Variants in ALMS1 observed in about 807,000 individuals in gnomAD.
ALMS1 encodes the protein centrosome-associated protein ALMS1.
ALMS1 carries 271 observed loss-of-function variants against 352.2 expected under a neutral mutation model. That is an observed-to-expected ratio of 0.77 (90% confidence interval 0.70 to 0.85). The LOEUF is 0.85. Ranked by LOEUF, ALMS1 falls within the 40% of genes least tolerant of loss-of-function variation. The pLI is 0.00. For synonymous variants in ALMS1, 1,865 were observed against 1,761.2 expected, an observed-to-expected ratio of 1.06 and a Z score of -1.48; for missense variants, 5,445 against 4,870.7, an observed-to-expected ratio of 1.12 and a Z score of -3.51.
At chr2:73,568,988 T>TCTG (rs1339424415) in intron 15 of ALMS1, among the ~76,000 whole-genome samples, 2 of 143,622 alleles carry the variant, frequency 1.4e-5, no homozygotes, top group East Asian at 2.0e-4. Context: ...TGCTGCTGCT[T>TCTG]CTGCTTCTTT....
At chr2:73,535,462 C>A (rs1674008708) in intron 12 of ALMS1, among the ~76,000 whole-genome samples, 2 of 152,140 alleles carry the variant, frequency 1.3e-5, no homozygotes, top group African/African-American at 4.8e-5. Flanking sequence ...TGCAACTTCC[C>A]AAACCATGAG....
At chr2:73,481,153 C>T (rs1305639427) in intron 9 of ALMS1, among the ~76,000 whole-genome samples, 3 of 152,124 alleles carry the variant, frequency 2.0e-5, no homozygotes, top group East Asian at 1.9e-4. Context: ...TCCTTGCCCA[C>T]ACCTATGTCC....
At chr2:73,564,741 AG>A (rs1674767086) in intron 15 of ALMS1, among the ~76,000 whole-genome samples, 2 of 152,314 alleles carry the variant, frequency 1.3e-5, no homozygotes, top group South Asian at 4.1e-4. Flanking sequence ...TCCCATGTAA[AG>A]TAGGCCTCCA....
At position 73,589,624 on chromosome 2, in the gene ALMS1, T is replaced by C. The variant is rs146116503; in HGVS notation, c.11548-9777T>C. The stretch of plus-strand genomic sequence containing the variant: ...AAAAGGTGTACCATTATTTTTGTTA[T>C]GTTGGCTAAGTTTTGTATTTTCAAA... On this transcript the variant is annotated intron_variant, in intron 16 of 22. Coordinates refer to ENST00000613296, the MANE Select transcript of ALMS1 (RefSeq NM_001378454.1). Among the ~76,000 whole-genome samples, 83 of 152,370 alleles carry C rather than the reference T, an allele frequency of 5.4e-4. No homozygotes were observed. In the East Asian group the frequency reaches 0.013, roughly 24 times the overall value.
rs1487449716 is a variant in ALMS1 at position 73,481,522 on chromosome 2, G to C, written c.7675-8112G>C. Reference sequence around the variant, plus strand: ...AAGTCAGGTAGCGTGATGCCTCCAGGTTTGTTCTTTTGGCTTAGGATTGAC... The same window carrying C: ...AAGTCAGGTAGCGTGATGCCTCCAGCTTTGTTCTTTTGGCTTAGGATTGAC... On this transcript the variant is annotated intron_variant, in intron 9 of 22. Coordinates refer to ENST00000613296, the MANE Select transcript of ALMS1 (RefSeq NM_001378454.1). Among the ~76,000 whole-genome samples the C allele has an allele frequency of 7.6e-4, 115 of 152,084 alleles. 1 individual carries two copies. In the East Asian group the frequency reaches 9.5e-3, roughly 13 times the overall value.
At chr2:73,563,137 C>A (rs757769310) in intron 15 of ALMS1, among the ~76,000 whole-genome samples, 2 of 149,590 alleles carry the variant, frequency 1.3e-5, no homozygotes, top group Non-Finnish European at 3.0e-5. Context: ...AAAAACAAAC[C>A]CAGTTCCATG....
In ALMS1 at chr2:73,450,611, G is replaced by T. The variant is rs534858351; in HGVS notation, c.4084G>T (p.Val1362Phe). The change falls in exon 8 of 23, where the codon GTT (valine) becomes TTT (phenylalanine). Residue 1362 changes from valine (V) to phenylalanine (F), a missense_variant. Coordinates refer to ENST00000613296, the MANE Select transcript of ALMS1 (RefSeq NM_001378454.1). ...AACTGAAGAGGCTCTGAAAATTTCAGTTGCCTCTGAACCAGTTGACCAGAC... is the reference window on the plus strand; with the variant it reads ...AACTGAAGAGGCTCTGAAAATTTCATTTGCCTCTGAACCAGTTGACCAGAC... ...HPTEEALKIS[V>F]ASEPVDQTTG... The T allele has an allele frequency of 5.0e-6, 8 of 1,612,146 alleles. No individual in the cohort carries two copies. Among genetic ancestry groups the T allele is most frequent in the South Asian group, 2.2e-5 (2 of 90,972 alleles).
At chr2:73,397,630 G>A (rs989304997) in intron 1 of ALMS1, among the ~76,000 whole-genome samples, 3 of 152,116 alleles carry the variant, frequency 2.0e-5, no homozygotes, top group Non-Finnish European at 4.4e-5. Flanking sequence ...ACCACGCTCA[G>A]CTAATTATTT....
At chr2:73,413,660 C>T (rs543094575) in intron 2 of ALMS1, among the ~76,000 whole-genome samples, 2 of 152,232 alleles carry the variant, frequency 1.3e-5, no homozygotes, top group Non-Finnish European at 2.9e-5. Context: ...ACCGCTTTTT[C>T]AGAAGTTTTG....
At chr2:73,440,011 C>T (rs776133305) in intron 7 of ALMS1, among the ~76,000 whole-genome samples, 3 of 151,762 alleles carry the variant, frequency 2.0e-5, no homozygotes, top group Middle Eastern at 3.5e-3. Context: ...GACAGAGTCT[C>T]GCTCTGTCGC....
intron 6 of ALMS1, among the ~76,000 whole-genome samples, chr2:73,431,086 T>C (rs1671491000): frequency 6.6e-6 from 1 of 151,958 alleles, no homozygotes. Context: ...GTTTCCTGAG[T>C]ATTGTAGGAT....
At chr2:73,461,100 C>T (rs984867127) in intron 9 of ALMS1, among the ~76,000 whole-genome samples, 4 of 152,212 alleles carry the variant, frequency 2.6e-5, no homozygotes, top group Non-Finnish European at 5.9e-5. Context: ...GTGGTTCTCC[C>T]AGCACGCAGC....
chr2:73,442,359 T>C (rs1671736219), intron 7 of ALMS1, among the ~76,000 whole-genome samples: 1 of 152,186 alleles, frequency 6.6e-6, no homozygotes, highest in African/African-American at 2.4e-5. Flanking sequence ...CTGCTATTAT[T>C]CTATTTGCTA....
chr2:73,455,440 G>T (rs1672040175), intron 9 of ALMS1, 145 bp downstream of exon 9: 2 of 1,039,852 alleles, frequency 1.9e-6, no homozygotes, highest in Non-Finnish European at 2.8e-6. Context: ...GTCTTGCTCT[G>T]TTGCCCAGGC....
chr2:73,448,961 T>G lies in ALMS1; in HGVS notation c.2434T>G (p.Ser812Ala), dbSNP rs376991574. 4.3e-6 allele frequency: 7 copies of G among 1,613,904 alleles called. No homozygotes were observed. In the African/African-American group the frequency reaches 9.3e-5, roughly 22 times the overall value. ...GLPTVPSSAY[S>A]HREKLLVFYQ... Reference sequence around the variant, plus strand: ...ACCAACAGTACCCTCTAGTGCATACTCACACAGAGAGAAGCTCCTTGTTTT... The same window carrying G: ...ACCAACAGTACCCTCTAGTGCATACGCACACAGAGAGAAGCTCCTTGTTTT... Residue 812 changes from serine (S) to alanine (A), a missense_variant, in exon 8 of 23, where the codon TCA becomes GCA. Transcript: ENST00000613296.
At chr2:73,569,053 C>G (rs368575742) in intron 15 of ALMS1, among the ~76,000 whole-genome samples, 1 of 109,076 alleles carries the variant, frequency 9.2e-6, no homozygotes, top group African/African-American at 3.5e-5. Context: ...CTCGCTCTGT[C>G]GCCCAGGCTG....
At chr2:73,420,162 G>A (rs188011875) in intron 3 of ALMS1, among the ~76,000 whole-genome samples, 6 of 152,262 alleles carry the variant, frequency 3.9e-5, no homozygotes, top group Admixed American at 3.3e-4. Context: ...TAAAAAGGAA[G>A]CAACTTATTT....
chr2:73,505,030 A>G (rs1024596691), intron 10 of ALMS1, among the ~76,000 whole-genome samples: 1 of 152,138 alleles, frequency 6.6e-6, no homozygotes, highest in African/African-American at 2.4e-5. Context: ...AGCTTCATCC[A>G]TGTCCCTCCA....
intron 6 of ALMS1, among the ~76,000 whole-genome samples, chr2:73,431,052 A>G (rs941892563): frequency 6.6e-6 from 1 of 152,020 alleles, no homozygotes; most frequent in African/African-American, 2.4e-5. Context: ...GAGTTGGATA[A>G]TTCTTTGTTA....
Sources: gnomAD v4.1 joint callset for allele counts (sites outside exome capture counted in the v4.1 genomes callset) on GRCh38, gnomAD v4.1.1 for gene constraint, MANE v1.5 for transcripts, NCBI Gene and HGNC (gene_info 2026-07-23, HGNC 2026-07-21) for gene names.